Variants in MACROD2 observed in about 807,000 individuals in gnomAD.
MACROD2 encodes the protein ADP-ribose glycohydrolase MACROD2.
MACROD2 carries 36 observed loss-of-function variants against 70.4 expected under a neutral mutation model. The observed-to-expected ratio is 0.51, with a 90% CI of 0.39 to 0.68. The LOEUF is 0.68. Ranked by LOEUF, MACROD2 falls within the 30% of genes least tolerant of loss-of-function variation. The pLI is 0.00. For missense variants in MACROD2, 496 were observed against 538.4 expected (o/e 0.92, Z 0.78); for synonymous variants, 172 against 178.8 (o/e 0.96, Z 0.30).
chr20:15,702,781 A>G (rs550652149), intron 8 of MACROD2, among the ~76,000 whole-genome samples: 5 of 152,378 alleles, frequency 3.3e-5, no homozygotes, highest in Middle Eastern at 3.4e-3. Context: ...AGAAAAAACT[A>G]TTCTAAAGTT....
At position 15,851,095 on chromosome 20, in the gene MACROD2, C is replaced by T. The variant is rs768513431; in HGVS notation, c.646-11650C>T. On this transcript the variant is annotated intron_variant, in intron 8 of 17. Coordinates refer to ENST00000684519, the MANE Select transcript of MACROD2 (RefSeq NM_001351661.2). ...AGAATTCAGATTGTCAAAAATAGAG[C>T]GTTATTGTCCTAGGTCAAGTGTCCA... Among the ~76,000 whole-genome samples the T allele has an allele frequency of 2.1e-4, 32 of 151,946 alleles. No individual in the cohort carries two copies. The Middle Eastern group carries it at 0.01, about 48-fold the overall frequency.
At chr20:15,400,257 G>C (rs73269027) in intron 6 of MACROD2, among the ~76,000 whole-genome samples, 134 of 152,278 alleles carry the variant, frequency 8.8e-4, no homozygotes, top group African/African-American at 3.2e-3. Flanking sequence ...AGCTGCCCCA[G>C]TTTAGCTTCT....
At position 14,938,905 on chromosome 20, in the gene MACROD2, T is replaced by C. The variant is rs527983435; in HGVS notation, c.418+253946T>C. 1.3e-4 allele frequency among the ~76,000 whole-genome samples: 19 copies of C among 151,574 alleles called. No homozygotes were observed. The South Asian group carries it at 4.0e-3, about 32-fold the overall frequency. ...CATTTATGTGTCTTCTTTTGAGAAG[T>C]GTCTATTCAGATATTTTTTTCATTG... On this transcript the variant is annotated intron_variant, in intron 5 of 17. Coordinates refer to ENST00000684519, the MANE Select transcript of MACROD2 (RefSeq NM_001351661.2).
At chr20:14,022,649 G>A (rs2148625787) in intron 2 of MACROD2, among the ~76,000 whole-genome samples, 1 of 151,880 alleles carries the variant, frequency 6.6e-6, no homozygotes, top group South Asian at 2.1e-4. Flanking sequence ...CTGTGTCCAC[G>A]TGTTCTCATT....
intron 5 of MACROD2, among the ~76,000 whole-genome samples, chr20:14,918,081 C>G (rs897098584): frequency 2.6e-5 from 4 of 152,042 alleles, no homozygotes; most frequent in African/African-American, 9.7e-5. Flanking sequence ...TCAGGTGATC[C>G]TCCCATCTCA....
intron 8 of MACROD2, among the ~76,000 whole-genome samples, chr20:15,841,084 G>T (rs2064164810): frequency 6.6e-6 from 1 of 152,208 alleles, no homozygotes; most frequent in Admixed American, 6.5e-5. Context: ...TCTCACATCT[G>T]GATATCCTGG....
At position 15,132,494 on chromosome 20, in the gene MACROD2, G is replaced by A. The variant is rs983938355; in HGVS notation, c.419-97446G>A. On this transcript the variant is annotated intron_variant, in intron 5 of 17. Transcript: ENST00000684519. ...TATTGCAATACCTTAGGCCATACAC[G>A]GAAATGAAACATATATTAGACCTCA... is the stretch of plus-strand genomic sequence containing the variant. Among the ~76,000 whole-genome samples, 7 of 151,640 alleles carry A rather than the reference G, an allele frequency of 4.6e-5. No homozygotes were observed. The East Asian group carries it at 9.6e-4, about 21-fold the overall frequency.
chr20:14,486,008 A>G (rs1311689090), intron 3 of MACROD2, among the ~76,000 whole-genome samples: 1 of 152,130 alleles, frequency 6.6e-6, no homozygotes, highest in African/African-American at 2.4e-5. Context: ...AGCCATCATC[A>G]GTGACCAGTC....
intron 4 of MACROD2, among the ~76,000 whole-genome samples, chr20:14,515,463 A>ACACACACACGCACGCGCGCGCG (rs34190778): frequency 7.2e-6 from 1 of 138,904 alleles, no homozygotes; most frequent in African/African-American, 2.9e-5. Context: ...ATACACACAC[A>ACACACACACGCACGCGCGCGCG]CGCACACACA....
intron 17 of MACROD2, among the ~76,000 whole-genome samples, chr20:16,047,002 C>T (rs2067392271): frequency 6.6e-6 from 1 of 152,116 alleles, no homozygotes; most frequent in Non-Finnish European, 1.5e-5. Flanking sequence ...TTTAAGGAAA[C>T]TAAATTCCAG....
rs565837351 is a variant in MACROD2, at chr20:15,560,247, T to C, written c.645+60400T>C. Among the ~76,000 whole-genome samples, 22 of 152,352 alleles carry C rather than the reference T, an allele frequency of 1.4e-4. No individual in the cohort carries two copies. In the East Asian group the frequency reaches 4.2e-3, roughly 29 times the overall value. ...GAGACCCAAATTTGACTCCCATCTCTACCAGTTAACTACCTGAGGAAATTT... is the reference window on the plus strand; with the variant it reads ...GAGACCCAAATTTGACTCCCATCTCCACCAGTTAACTACCTGAGGAAATTT... On this transcript the variant is annotated intron_variant, in intron 8 of 17. Transcript: ENST00000684519.
intron 3 of MACROD2, among the ~76,000 whole-genome samples, chr20:14,461,941 G>A (rs1194232895): frequency 6.6e-6 from 1 of 152,000 alleles, no homozygotes; most frequent in Non-Finnish European, 1.5e-5. Flanking sequence ...AGTGCTGCAA[G>A]AAACATACGT....
At chr20:14,277,492 G>A (rs998149005) in intron 3 of MACROD2, among the ~76,000 whole-genome samples, 10 of 152,102 alleles carry the variant, frequency 6.6e-5, no homozygotes, top group African/African-American at 2.2e-4. Context: ...TTTCCAAAAA[G>A]CTAGTTTACT....
intron 8 of MACROD2, among the ~76,000 whole-genome samples, chr20:15,625,044 G>A (rs781375272): frequency 1.1e-4 from 17 of 152,106 alleles, no homozygotes; most frequent in Admixed American, 3.3e-4. Flanking sequence ...GTTTGTGAGG[G>A]ATAAAATAAA....
At chr20:15,151,234 C>T (rs200811376) in intron 5 of MACROD2, among the ~76,000 whole-genome samples, 4 of 152,126 alleles carry the variant, frequency 2.6e-5, no homozygotes, top group East Asian at 3.9e-4. Context: ...ACGCGGCTTA[C>T]GAGGAATCCC....
At chr20:15,053,937 G>T (rs4814333) in intron 5 of MACROD2, among the ~76,000 whole-genome samples, 25,769 of 152,176 alleles carry the variant, frequency 0.17, 2,795 homozygotes, top group East Asian at 0.33. Context: ...TCTTATGGAT[G>T]ACTTTGAGAA....
intron 4 of MACROD2, among the ~76,000 whole-genome samples, chr20:14,533,664 CT>C (rs1335717467): frequency 6.6e-6 from 1 of 152,134 alleles, no homozygotes; most frequent in Admixed American, 6.5e-5. Flanking sequence ...ACAAGTTTCT[CT>C]TTTTTAACTT....
chr20:14,484,928 C>G (rs2123082224), intron 3 of MACROD2, among the ~76,000 whole-genome samples: 1 of 152,242 alleles, frequency 6.6e-6, no homozygotes, highest in African/African-American at 2.4e-5. Context: ...CTTTGAAATA[C>G]TGATTTTCTT....
intron 3 of MACROD2, among the ~76,000 whole-genome samples, chr20:14,197,329 A>G (rs1355601938): frequency 6.6e-6 from 1 of 152,236 alleles, no homozygotes; most frequent in Non-Finnish European, 1.5e-5. Flanking sequence ...GTTAATTGAT[A>G]AAGCAGAGGA....
Sources: allele counts gnomAD v4.1 joint callset (sites outside exome capture counted in the v4.1 genomes callset), GRCh38; gene constraint gnomAD v4.1.1; transcripts MANE v1.5; gene names NCBI Gene and HGNC (gene_info 2026-07-23, HGNC 2026-07-21).